RNF43: variants seen among roughly 807,000 people sequenced by gnomAD.
The protein encoded by RNF43 is E3 ubiquitin-protein ligase RNF43.
A neutral mutation model predicts 78.4 loss-of-function variants in RNF43; 37 were observed. That is an observed-to-expected ratio of 0.47 (90% CI 0.36 to 0.62). RNF43 has a LOEUF of 0.62. Among genes scored for constraint, RNF43 ranks in the 20% least tolerant of loss-of-function variants. The pLI is 0.00. For synonymous variants in RNF43, 347 were observed against 395.0 expected, an observed-to-expected ratio of 0.88 and a Z score of 1.44; for missense variants, 774 against 1,007.9, an observed-to-expected ratio of 0.77 and a Z score of 3.14.
intron 5 of RNF43, chr17:58,363,036 T>C: frequency 1.8e-6 from 1 of 559,974 alleles, no homozygotes; most frequent in East Asian, 2.9e-5. Context: ...TTCCATGCCA[T>C]GAAGCCACAG....
intron 2 of RNF43, among the ~76,000 whole-genome samples, chr17:58,405,738 G>GAAAC (rs1973895793): frequency 6.6e-6 from 1 of 151,080 alleles, no homozygotes; most frequent in Non-Finnish European, 1.5e-5. Flanking sequence ...AAGAAAGAAA[G>GAAAC]AAAGAAAGAA....
intron 2 of RNF43, among the ~76,000 whole-genome samples, 190 bp from the exon 3 acceptor site, chr17:58,371,223 G>T (rs1235788322): frequency 1.3e-5 from 2 of 152,220 alleles, no homozygotes; most frequent in African/African-American, 2.4e-5. Flanking sequence ...GGATGCTGGG[G>T]CCAAGGACAC....
At chr17:58,362,012 G>T (rs1004978406) in intron 6 of RNF43, among the ~76,000 whole-genome samples, 4 of 151,924 alleles carry the variant, frequency 2.6e-5, no homozygotes, top group African/African-American at 9.7e-5. Flanking sequence ...CTTGAACCCA[G>T]GAGGCAGAGA....
intron 2 of RNF43, among the ~76,000 whole-genome samples, chr17:58,381,986 T>C (rs1385647041): frequency 6.6e-6 from 1 of 152,156 alleles, no homozygotes; most frequent in African/African-American, 2.4e-5. Context: ...TCTCTACCTC[T>C]TTTTGCCCTT....
intron 2 of RNF43, among the ~76,000 whole-genome samples, chr17:58,396,881 T>C (rs971542769): frequency 6.6e-6 from 1 of 152,130 alleles, no homozygotes; most frequent in Non-Finnish European, 1.5e-5. Flanking sequence ...AAATCAAATA[T>C]GATGCTAATT....
chr17:58,370,988 C>G lies in RNF43; in HGVS notation c.298G>C (p.Glu100Gln). 1 of 1,611,360 alleles carries G rather than the reference C, an allele frequency of 6.2e-7. No homozygotes were observed. Among genetic ancestry groups the G allele is most frequent in the African/African-American group, 1.3e-5 (1 of 75,004 alleles). ...LCNASDDDNL[E>Q]PGFISIVKLE... Reference sequence around the variant, plus strand: ...TTGACGATGCTGATGAATCCAGGCTCCAGATTGTCGTCATCACTGGCATTG... The same window carrying G: ...TTGACGATGCTGATGAATCCAGGCTGCAGATTGTCGTCATCACTGGCATTG... Residue 100 changes from glutamate (E) to glutamine (Q), a missense_variant, in exon 3 of 10, where the codon GAG (glutamate) becomes CAG (glutamine). Physicochemically the swap from Glu to Gln is conservative, Grantham distance 29 (BLOSUM62 2). Coordinates refer to ENST00000407977, the MANE Select transcript of RNF43 (RefSeq NM_017763.6).
In RNF43 at chr17:58,362,524, A is replaced by G. The variant is rs1972857845; in HGVS notation, c.687+20T>C. ...ACACACGCACACGTTCACCGCCGCC[A>G]AAGACCCCACACTGCTCACCGGCCT... On this transcript the variant is annotated intron_variant, in intron 6 of 9. Transcript: ENST00000407977. 2.5e-6 allele frequency: 4 copies of G among 1,582,576 alleles called. No individual in the cohort carries two copies. The East Asian group carries it at 9.3e-5, about 37-fold the overall frequency.
At chr17:58,409,827 A>C (rs1356276479) in intron 2 of RNF43, among the ~76,000 whole-genome samples, 1 of 152,234 alleles carries the variant, frequency 6.6e-6, no homozygotes, top group African/African-American at 2.4e-5. Context: ...TTGAGGCTGC[A>C]GTGAGCCGTG....
At chr17:58,366,052 C>A (rs1972942500) in intron 3 of RNF43, among the ~76,000 whole-genome samples, 1 of 152,240 alleles carries the variant, frequency 6.6e-6, no homozygotes, top group South Asian at 2.1e-4. Context: ...AAATGAAGCA[C>A]CTACCGTGCC....
intron 6 of RNF43, among the ~76,000 whole-genome samples, chr17:58,361,674 G>A (rs1972836025): frequency 6.6e-6 from 1 of 152,018 alleles, no homozygotes; most frequent in Non-Finnish European, 1.5e-5. Flanking sequence ...AAAACAAATG[G>A]CCTCAACAGT....
intron 3 of RNF43, among the ~76,000 whole-genome samples, chr17:58,364,398 A>C (rs1972905385): frequency 6.6e-6 from 1 of 152,202 alleles, no homozygotes; most frequent in Admixed American, 6.5e-5. Flanking sequence ...AGCTTGAGGA[A>C]GCAGAATCTA....
At chr17:58,373,152 C>T (rs1381700288) in intron 2 of RNF43, among the ~76,000 whole-genome samples, 2 of 152,190 alleles carry the variant, frequency 1.3e-5, no homozygotes, top group Non-Finnish European at 2.9e-5. Flanking sequence ...TGCTCCTCGA[C>T]CCTCCCCACA....
At chr17:58,376,413 A>G (rs942716769) in intron 2 of RNF43, among the ~76,000 whole-genome samples, 2 of 152,212 alleles carry the variant, frequency 1.3e-5, no homozygotes, top group African/African-American at 4.8e-5. Flanking sequence ...TTCTAGTACA[A>G]TTATATCTGT....
intron 3 of RNF43, 135 bp from the exon 4 acceptor site, chr17:58,363,735 C>T (rs1972892417): frequency 1.4e-6 from 1 of 706,518 alleles, no homozygotes; most frequent in Non-Finnish European, 2.3e-6. Flanking sequence ...CTCACATCTA[C>T]CTATGCAAGG....
At chr17:58,392,568 TACA>T (rs1973582460) in intron 2 of RNF43, among the ~76,000 whole-genome samples, 1 of 152,212 alleles carries the variant, frequency 6.6e-6, no homozygotes, top group South Asian at 2.1e-4. Flanking sequence ...CTACTATCAC[TACA>T]ACGATTCTCT....
chr17:58,370,103 C>G (rs920637241), intron 3 of RNF43, among the ~76,000 whole-genome samples: 1 of 139,508 alleles, frequency 7.2e-6, no homozygotes, highest in Non-Finnish European at 1.5e-5. Flanking sequence ...AAGTCCCGCT[C>G]TGTCACCCAG....
intron 9 of RNF43, 68 bp from the exon 10 acceptor site, chr17:58,355,054 G>A (rs1972658691): frequency 1.5e-6 from 2 of 1,364,744 alleles, no homozygotes; most frequent in East Asian, 4.6e-5. Context: ...TCTCTCGCCT[G>A]CAGCAGAGTG....
rs897149366 is a variant in RNF43, at chr17:58,357,096, G to A, written c.2308+372C>T. On this transcript the variant is annotated intron_variant, in intron 9 of 9. Transcript: ENST00000407977. This position sits in a 1 kb window ranked among gnomAD's most constrained non-coding sequence, Gnocchi z 4.5. ...TTTAGTAGAGATAGGGTTTCACCAT[G>A]TTGGCCAGGTTGGTCTTGAACTCCT... 2 of 642,636 alleles carry A rather than the reference G, an allele frequency of 3.1e-6. No homozygotes were observed. The highest frequency in any genetic ancestry group is 3.6e-5 in the African/African-American group (2 of 55,344). 39.8% of individuals were successfully genotyped at this position (642,636 alleles called of 1,614,324 possible).
intron 3 of RNF43, among the ~76,000 whole-genome samples, chr17:58,368,014 G>A (rs1234579901): frequency 2.0e-5 from 3 of 152,186 alleles, no homozygotes; most frequent in Non-Finnish European, 4.4e-5. Flanking sequence ...AATAGAGGCT[G>A]GCTTAGAGAG....
Sources: gnomAD v4.1 joint callset for allele counts (sites outside exome capture counted in the v4.1 genomes callset) on GRCh38, gnomAD v4.1.1 for gene constraint, Gnocchi (gnomAD v3.1) non-coding constraint, MANE v1.5 for transcripts, NCBI Gene and HGNC (gene_info 2026-07-23, HGNC 2026-07-21) for gene names.